Variants in COL25A1 observed in about 807,000 individuals in gnomAD.
COL25A1 encodes collagen type XXV alpha 1 chain, also known as collagen alpha-1(XXV) chain.
COL25A1 carries 103 observed loss-of-function variants against 128.4 expected under a neutral mutation model. The ratio of observed to expected loss-of-function variants is 0.80; its 90% confidence interval spans 0.68 to 0.94. The LOEUF (loss-of-function observed/expected upper bound fraction) is 0.94, where lower values mean the gene tolerates loss of function less well. COL25A1 is among the 40% of genes least tolerant of loss of function. COL25A1 has a pLI of 0.00. For missense variants in COL25A1, 745 were observed against 840.0 expected (o/e 0.89, Z 1.40); for synonymous variants, 279 against 277.2 (o/e 1.01, Z -0.06).
At chr4:109,298,141 T>C (rs567349477) in intron 3 of COL25A1, among the ~76,000 whole-genome samples, 3 of 152,242 alleles carry the variant, frequency 2.0e-5, no homozygotes, top group South Asian at 4.1e-4. Context: ...AGACTGCTAA[T>C]ACTTCAGTCA....
At chr4:109,082,523 C>T (rs1763932062) in intron 3 of COL25A1, among the ~76,000 whole-genome samples, 1 of 152,166 alleles carries the variant, frequency 6.6e-6, no homozygotes, top group South Asian at 2.1e-4. Context: ...TTGGGGTTTT[C>T]ATGTGCATTT....
chr4:109,164,045 T>G (rs1040188577), intron 3 of COL25A1, among the ~76,000 whole-genome samples: 1 of 148,600 alleles, frequency 6.7e-6, no homozygotes, highest in Non-Finnish European at 1.5e-5. Flanking sequence ...AATTACAAGG[T>G]TTTTTTTTTA....
intron 3 of COL25A1, among the ~76,000 whole-genome samples, chr4:109,254,057 A>G (rs1289611426): frequency 6.6e-6 from 1 of 151,644 alleles, no homozygotes; most frequent in East Asian, 2.0e-4. Context: ...ACTGCACTCC[A>G]GCCTGGGCGA....
intron 13 of COL25A1, among the ~76,000 whole-genome samples, chr4:108,905,368 TATC>T (rs1277166695): frequency 6.6e-6 from 1 of 152,046 alleles, no homozygotes; most frequent in Non-Finnish European, 1.5e-5. Flanking sequence ...TATTAATTCA[TATC>T]ATGTTAAAAT....
At chr4:108,893,463 C>T (rs1306555566) in intron 16 of COL25A1, among the ~76,000 whole-genome samples, 2 of 152,110 alleles carry the variant, frequency 1.3e-5, no homozygotes, top group African/African-American at 2.4e-5. Flanking sequence ...GGCAGGTTTA[C>T]GCTCTTAAAT....
intron 3 of COL25A1, among the ~76,000 whole-genome samples, chr4:109,156,680 A>G (rs1477119259): frequency 1.3e-5 from 2 of 152,164 alleles, no homozygotes; most frequent in South Asian, 4.1e-4. Flanking sequence ...AGGATAATTT[A>G]GGATTTCAAC....
chr4:109,016,355 A>T (rs532208633), intron 5 of COL25A1, among the ~76,000 whole-genome samples: 42 of 152,368 alleles, frequency 2.8e-4, no homozygotes, highest in Non-Finnish European at 5.4e-4. Flanking sequence ...AGCGCAGTGC[A>T]GGCCTGCAGG....
intron 30 of COL25A1, among the ~76,000 whole-genome samples, chr4:108,843,732 C>A (rs1285101135): frequency 6.6e-6 from 1 of 152,030 alleles, no homozygotes; most frequent in Non-Finnish European, 1.5e-5. Context: ...TACTATTTTA[C>A]AAATATTCTT....
At chr4:109,182,896 C>CA (rs111952426) in intron 3 of COL25A1, among the ~76,000 whole-genome samples, 10 of 152,140 alleles carry the variant, frequency 6.6e-5, no homozygotes, top group African/African-American at 2.4e-4. Context: ...ATTAACCTTT[C>CA]AAGTTTCAAG....
rs73838558 is a variant in COL25A1 at position 109,270,724 on chromosome 4, A to T, written c.367+29859T>A. Among the ~76,000 whole-genome samples the T allele has an allele frequency of 5.6e-3, 850 of 152,168 alleles. 13 individuals carry two copies. The highest frequency in any genetic ancestry group is 0.019 in the African/African-American group (803 of 41,516). On this transcript the variant is annotated intron_variant, in intron 3 of 37. Coordinates refer to ENST00000399132, the MANE Select transcript of COL25A1 (RefSeq NM_198721.4). ...CCAAGCCCCTTTTGCACAGAACTAA[A>T]CCCATTTATTTACTCAGTAAATATT...
At chr4:108,999,277 C>A (rs1018336873) in intron 6 of COL25A1, among the ~76,000 whole-genome samples, 42 of 134,344 alleles carry the variant, frequency 3.1e-4, no homozygotes, top group Non-Finnish European at 6.3e-4. Flanking sequence ...AAGAAAAAAA[C>A]AAACAACCCC....
At position 108,815,876 on chromosome 4, in the gene COL25A1, G is replaced by A. The variant is rs552252641; in HGVS notation, c.1962+1521C>T. Among the ~76,000 whole-genome samples, 4 of 152,254 alleles carry A rather than the reference G, an allele frequency of 2.6e-5. No homozygotes were observed. The East Asian group carries it at 5.8e-4, about 22-fold the overall frequency. ...TTCAGAGGTGGCTAAGAACGATTGC[G>A]AACCCAAGTTCTGAGTGGTGTCAGA... On this transcript the variant is annotated intron_variant, in intron 37 of 37. Transcript: ENST00000399132.
At position 109,217,186 on chromosome 4, in the gene COL25A1, C is replaced by G. The variant is rs1778062112; in HGVS notation, c.367+83397G>C. 2.6e-5 allele frequency among the ~76,000 whole-genome samples: 4 copies of G among 152,096 alleles called. No individual in the cohort carries two copies. The South Asian group carries it at 8.3e-4, about 32-fold the overall frequency. On this transcript the variant is annotated intron_variant, in intron 3 of 37. Transcript: ENST00000399132. ...TTACCAATGAGCTAATATTTTATCT[C>G]AGATGCCAAAATGCAACTTTTCAGA...
At chr4:109,001,372 C>CAGGCATCTGAGATCCTGCCAGGT (rs1755351329) in intron 6 of COL25A1, among the ~76,000 whole-genome samples, 1 of 24,146 alleles carries the variant, frequency 4.1e-5, no homozygotes, top group Non-Finnish European at 1.3e-4. Flanking sequence ...TTAAAAGAAA[C>CAGGCATCTGAGATCCTGCCAGGT]AGGCATCTGA....
At chr4:109,105,348 C>A (rs1272278305) in intron 3 of COL25A1, among the ~76,000 whole-genome samples, 1 of 152,072 alleles carries the variant, frequency 6.6e-6, no homozygotes, top group Admixed American at 6.6e-5. Context: ...GTGGTGCACA[C>A]TTGTAATCCC....
At chr4:109,296,227 T>C (rs1255690778) in intron 3 of COL25A1, among the ~76,000 whole-genome samples, 3 of 152,218 alleles carry the variant, frequency 2.0e-5, no homozygotes, top group South Asian at 2.1e-4. Context: ...TTTTTATCCA[T>C]TGCTAGAGTT....
At chr4:109,204,569 T>C (rs1009803547) in intron 3 of COL25A1, among the ~76,000 whole-genome samples, 3 of 152,140 alleles carry the variant, frequency 2.0e-5, no homozygotes, top group Admixed American at 1.3e-4. Flanking sequence ...AATATTACAT[T>C]GAGATTAAAT....
At chr4:109,200,453 A>G (rs552621260) in intron 3 of COL25A1, among the ~76,000 whole-genome samples, 13 of 150,040 alleles carry the variant, frequency 8.7e-5, no homozygotes, top group African/African-American at 3.2e-4. Flanking sequence ...GTTCTCTCCT[A>G]ACGTATCTTT....
chr4:109,206,057 C>A (rs1442348770), intron 3 of COL25A1, among the ~76,000 whole-genome samples: 1 of 152,040 alleles, frequency 6.6e-6, no homozygotes, highest in Non-Finnish European at 1.5e-5. Context: ...AAAAAAAAAT[C>A]TTTTTCATTC....
Sources: allele counts gnomAD v4.1 joint callset (sites outside exome capture counted in the v4.1 genomes callset), GRCh38; gene constraint gnomAD v4.1.1; transcripts MANE v1.5; gene names NCBI Gene and HGNC (gene_info 2026-07-23, HGNC 2026-07-21).